FAM227B: variants seen among roughly 807,000 people sequenced by gnomAD.
The protein encoded by FAM227B is protein FAM227B.
FAM227B carries 88 observed loss-of-function variants against 73.8 expected under a neutral mutation model. The ratio of observed to expected loss-of-function variants is 1.19; its 90% confidence interval spans 1.00 to 1.42. The LOEUF is 1.42. Ranked by LOEUF, FAM227B falls within the 40% of genes most tolerant of loss-of-function variation. The probability of loss-of-function intolerance (pLI) is 0.00; values close to 1 mark genes in which losing one functional copy is unlikely to be tolerated. For missense variants in FAM227B, 632 were observed against 590.9 expected (o/e 1.07, Z -0.72); for synonymous variants, 210 against 190.5 (o/e 1.10, Z -0.84).
intron 11 of FAM227B, among the ~76,000 whole-genome samples, chr15:49,437,667 C>T (rs1022762461): frequency 2.0e-5 from 3 of 151,584 alleles, no homozygotes; most frequent in Non-Finnish European, 4.4e-5. Context: ...CTGAAAGTTG[C>T]AGTGGCTCTT....
chr15:49,551,454 T>C (rs11070705), intron 9 of FAM227B, among the ~76,000 whole-genome samples: 106,962 of 152,036 alleles, frequency 0.7, 37,934 homozygotes, highest in East Asian at 0.93. Context: ...CATAGAATAC[T>C]TTTCTTCATA....
intron 11 of FAM227B, among the ~76,000 whole-genome samples, chr15:49,402,072 C>G (rs970335283): frequency 6.6e-6 from 1 of 152,078 alleles, no homozygotes; most frequent in African/African-American, 2.4e-5. Context: ...CTGATTAAAT[C>G]ATAGTCTCAG....
chr15:49,443,169 A>C (rs996355190), intron 11 of FAM227B, among the ~76,000 whole-genome samples: 7 of 151,706 alleles, frequency 4.6e-5, no homozygotes, highest in South Asian at 4.1e-4. Flanking sequence ...AATTTTGTTA[A>C]CTTATTAAAT....
chr15:49,483,024 G>A, intron 11 of FAM227B: 8 of 683,968 alleles, frequency 1.2e-5, no homozygotes, highest in Non-Finnish European at 2.1e-5. Flanking sequence ...GTCTTGGGCT[G>A]AGTAAATAAT....
At chr15:49,592,369 T>C (rs1206932809) in intron 3 of FAM227B, among the ~76,000 whole-genome samples, 1 of 152,240 alleles carries the variant, frequency 6.6e-6, no homozygotes, top group East Asian at 1.9e-4. Context: ...GTCCTTTTTG[T>C]GGATGTTGAT....
intron 11 of FAM227B, among the ~76,000 whole-genome samples, chr15:49,430,456 C>G (rs1016125125): frequency 6.6e-6 from 1 of 151,784 alleles, no homozygotes; most frequent in African/African-American, 2.4e-5. Flanking sequence ...CAACCTCTAG[C>G]CTAGGAAACC....
chr15:49,614,385 T>C (rs1397395265), intron 2 of FAM227B, among the ~76,000 whole-genome samples: 3 of 152,214 alleles, frequency 2.0e-5, no homozygotes, highest in Admixed American at 2.0e-4. Context: ...GCAGGACCAG[T>C]TAAATAACTT....
At chr15:49,605,579 G>T (rs1002811213) in intron 3 of FAM227B, among the ~76,000 whole-genome samples, 3 of 151,924 alleles carry the variant, frequency 2.0e-5, no homozygotes, top group Non-Finnish European at 2.9e-5. Flanking sequence ...GGACTTGTGG[G>T]GTTTGGCTTT....
At chr15:49,376,010 G>C (rs1042825671) in intron 11 of FAM227B, among the ~76,000 whole-genome samples, 10 of 152,076 alleles carry the variant, frequency 6.6e-5, no homozygotes, top group African/African-American at 2.4e-4. Context: ...ATTAGTGATT[G>C]TGTGAACTTA....
intron 13 of FAM227B, among the ~76,000 whole-genome samples, chr15:49,363,659 T>C (rs930306026): frequency 6.6e-6 from 1 of 152,202 alleles, no homozygotes; most frequent in South Asian, 2.1e-4. Flanking sequence ...TCCAATACTA[T>C]GTTGAATAGG....
chr15:49,355,574 G>A (rs2043012954), intron 13 of FAM227B, among the ~76,000 whole-genome samples: 1 of 152,208 alleles, frequency 6.6e-6, no homozygotes, highest in Non-Finnish European at 1.5e-5. Context: ...AAGCCTCCAA[G>A]AAATATGGGG....
chr15:49,475,118 GATTA>G (rs1372917683), intron 11 of FAM227B, among the ~76,000 whole-genome samples: 1 of 152,108 alleles, frequency 6.6e-6, no homozygotes, highest in African/African-American at 2.4e-5. Flanking sequence ...TGATCAGTTT[GATTA>G]ATTTTTTCAC....
rs1003768439 is a variant in FAM227B, at chr15:49,500,903, C to A, written c.1012+7308G>T. On this transcript the variant is annotated intron_variant, in intron 11 of 15. Transcript: ENST00000299338. ...TTAAAATTGTGTGGCACCTCTGCCC[C>A]CCTCTTGCTTGATCCTGCTTTTGCC... is the stretch of plus-strand genomic sequence containing the variant. Among the ~76,000 whole-genome samples, 4 of 152,084 alleles carry A rather than the reference C, an allele frequency of 2.6e-5. 1 individual carries two copies. Among genetic ancestry groups the A allele is most frequent in the Admixed American group, 2.6e-4 (4 of 15,276 alleles).
chr15:49,470,741 T>C (rs1012497817), intron 11 of FAM227B, among the ~76,000 whole-genome samples: 8 of 152,356 alleles, frequency 5.3e-5, no homozygotes, highest in African/African-American at 1.4e-4. Flanking sequence ...TAAATGAGTA[T>C]TTGTGATCTA....
chr15:49,566,185 T>G (rs1445487722), intron 9 of FAM227B, among the ~76,000 whole-genome samples: 1 of 152,254 alleles, frequency 6.6e-6, no homozygotes, highest in African/African-American at 2.4e-5. Flanking sequence ...AAGATCTCCA[T>G]GATTTTTCTT....
intron 10 of FAM227B, among the ~76,000 whole-genome samples, chr15:49,525,705 T>TACAC (rs1567487340): frequency 5.0e-5 from 4 of 79,648 alleles, no homozygotes; most frequent in African/African-American, 1.6e-4. Context: ...TATATATATA[T>TACAC]ATATATATAT....
chr15:49,371,212 C>T lies in FAM227B; in HGVS notation c.1110+90G>A, dbSNP rs8030273. The T allele has an allele frequency of 5.2e-3, 3,150 of 607,136 alleles. 88 individuals are homozygous for T. In the African/African-American group the frequency reaches 0.056, roughly 11 times the overall value. The allele number at this position is 607,136 out of a possible 1,614,324, so 37.6% of individuals were successfully genotyped here. On this transcript the variant is annotated intron_variant, in intron 12 of 15. Transcript: ENST00000299338. ...AAAATATATGGTAAGAATGTAGTAACCAGCATTGCCTATGTACAGCACAGT... is the reference window on the plus strand; with the variant it reads ...AAAATATATGGTAAGAATGTAGTAATCAGCATTGCCTATGTACAGCACAGT...
At chr15:49,586,639 A>C (rs2076181993) in intron 5 of FAM227B, among the ~76,000 whole-genome samples, 1 of 152,208 alleles carries the variant, frequency 6.6e-6, no homozygotes, top group African/African-American at 2.4e-5. Context: ...CAAACTACGC[A>C]TCTTACAAAG....
intron 11 of FAM227B, among the ~76,000 whole-genome samples, chr15:49,503,098 CAG>C (rs2058280959): frequency 6.6e-6 from 1 of 152,130 alleles, no homozygotes; most frequent in South Asian, 2.1e-4. Context: ...TGGAACAGAA[CAG>C]AGCCCTCAGA....
Sources: gnomAD v4.1 joint callset for allele counts (sites outside exome capture counted in the v4.1 genomes callset) on GRCh38, gnomAD v4.1.1 for gene constraint, MANE v1.5 for transcripts, NCBI Gene and HGNC (gene_info 2026-07-23, HGNC 2026-07-21) for gene names.